The following CCDC141 variants were observed in gnomAD, a reference collection of about 807,000 sequenced individuals.
CCDC141 encodes coiled-coil domain containing 141.
A neutral mutation model predicts 181.0 loss-of-function variants in CCDC141; 168 were observed. The observed-to-expected ratio is 0.93, with a 90% confidence interval of 0.82 to 1.05. The LOEUF (loss-of-function observed/expected upper bound fraction) is 1.05. Among genes scored for constraint, CCDC141 ranks in the 50% least tolerant of loss-of-function variants. CCDC141 has a pLI of 0.00. For synonymous variants in CCDC141, 666 were observed against 642.3 expected, an observed-to-expected ratio of 1.04 and a Z score of -0.56; for missense variants, 1,902 against 1,788.5, an observed-to-expected ratio of 1.06 and a Z score of -1.14.
Position 178,853,588 on chromosome 2 carries a change from C to G in CCDC141, c.3097G>C (p.Val1033Leu). ...FWYEDASATV[V>L]RVGKYSTECK... ...TCTGTGGAATATTTTCCAACTCTTA[C>G]AACTGTGGCACTTGCATCTTCGTAC... is the stretch of plus-strand genomic sequence containing the variant. The change falls in exon 20 of 24, where the codon GTA becomes CTA. Residue 1033 changes from valine to leucine, a missense_variant. By Grantham distance (32) the Val-to-Leu change is conservative. Transcript: ENST00000443758. 6.2e-7 allele frequency: 1 copy of G among 1,613,710 alleles called. No homozygotes were observed. Among genetic ancestry groups the G allele is most frequent in the East Asian group, 2.2e-5 (1 of 44,846 alleles).
intron 4 of CCDC141, among the ~76,000 whole-genome samples, chr2:178,966,349 G>T (rs1176295076): frequency 6.6e-6 from 1 of 152,240 alleles, no homozygotes; most frequent in Non-Finnish European, 1.5e-5. Context: ...GGGGGTGACA[G>T]ACACCTCATA....
chr2:178,821,712 C>A, the CCDC141 span, among the ~76,000 whole-genome samples: 2 of 152,110 alleles, frequency 1.3e-5, no homozygotes, highest in Non-Finnish European at 2.9e-5. Context: ...CAATGAGATA[C>A]CATCTCACAC....
chr2:179,015,168 T>C (rs2042429132), intron 2 of CCDC141, among the ~76,000 whole-genome samples: 1 of 126,952 alleles, frequency 7.9e-6, no homozygotes, highest in Admixed American at 8.8e-5. Context: ...ATACATCTCA[T>C]ATATATCTCA....
chr2:178,844,897 A>C (rs1244852881), intron 22 of CCDC141, among the ~76,000 whole-genome samples: 3 of 152,228 alleles, frequency 2.0e-5, no homozygotes, highest in African/African-American at 7.2e-5. Flanking sequence ...CAAAGCAAAA[A>C]GTCAAAAGCT....
chr2:179,048,718 G>T (rs1471024673), intron 1 of CCDC141, among the ~76,000 whole-genome samples: 1 of 152,124 alleles, frequency 6.6e-6, no homozygotes, highest in Non-Finnish European at 1.5e-5. Context: ...AGATGGGAGG[G>T]TGAGGAAGTC....
chr2:178,852,953 A>G (rs576882138), intron 20 of CCDC141, among the ~76,000 whole-genome samples: 5 of 152,344 alleles, frequency 3.3e-5, no homozygotes, highest in African/African-American at 9.6e-5. Flanking sequence ...AGTGAGAGGA[A>G]AGTGAAGGAG....
intron 2 of CCDC141, among the ~76,000 whole-genome samples, chr2:179,046,553 G>A (rs1245660769): frequency 6.6e-6 from 1 of 152,240 alleles, no homozygotes; most frequent in East Asian, 1.9e-4. Flanking sequence ...CATGGATGAG[G>A]CCATGTACCT....
chr2:178,894,186 A>G (rs969523378), intron 8 of CCDC141, among the ~76,000 whole-genome samples: 1 of 152,150 alleles, frequency 6.6e-6, no homozygotes, highest in Non-Finnish European at 1.5e-5. Context: ...AAGAGCCACA[A>G]TATCTCCACA....
intron 22 of CCDC141, among the ~76,000 whole-genome samples, chr2:178,841,757 G>T (rs1328113455): frequency 6.6e-6 from 1 of 152,108 alleles, no homozygotes. Flanking sequence ...TGATTCTCCT[G>T]CCTCAGGCTC....
At chr2:178,934,582 C>G (rs1315296685) in intron 6 of CCDC141, among the ~76,000 whole-genome samples, 3 of 152,016 alleles carry the variant, frequency 2.0e-5, no homozygotes, top group African/African-American at 7.2e-5. Flanking sequence ...TTTAAAAATC[C>G]TTTAGTTCAT....
chr2:178,859,266 C>T (rs555557793), intron 17 of CCDC141, among the ~76,000 whole-genome samples: 4 of 152,268 alleles, frequency 2.6e-5, no homozygotes, highest in Middle Eastern at 6.8e-3. Context: ...CTACCTTCAG[C>T]GATTGAAAAA....
intron 2 of CCDC141, among the ~76,000 whole-genome samples, chr2:178,999,222 T>G (rs2154383175): frequency 6.6e-6 from 1 of 152,274 alleles, no homozygotes; most frequent in Middle Eastern, 3.4e-3. Flanking sequence ...ACACTGAAAC[T>G]CACCTGGCTG....
chr2:178,947,640 G>C (rs922781248), intron 5 of CCDC141, among the ~76,000 whole-genome samples: 11 of 152,138 alleles, frequency 7.2e-5, no homozygotes, highest in African/African-American at 2.7e-4. Context: ...ATCTATCACA[G>C]AGTGAAAAGA....
chr2:178,964,685 C>T (rs762044000), intron 4 of CCDC141, among the ~76,000 whole-genome samples: 1 of 152,128 alleles, frequency 6.6e-6, no homozygotes, highest in Non-Finnish European at 1.5e-5. Flanking sequence ...CAGTTTCTTA[C>T]GTTTTTCTTT....
intron 6 of CCDC141, among the ~76,000 whole-genome samples, chr2:178,940,839 A>G (rs999948846): frequency 1.3e-5 from 2 of 152,192 alleles, no homozygotes; most frequent in African/African-American, 4.8e-5. Flanking sequence ...ACTCCTTTCA[A>G]CCAGCTCTGG....
chr2:179,000,896 C>T (rs1230288203), intron 2 of CCDC141, among the ~76,000 whole-genome samples: 2 of 152,212 alleles, frequency 1.3e-5, no homozygotes, highest in Admixed American at 6.5e-5. Context: ...AAATTGTTTA[C>T]TTATCTGACT....
intron 2 of CCDC141, among the ~76,000 whole-genome samples, chr2:179,044,918 A>G (rs1353715893): frequency 6.6e-6 from 1 of 152,162 alleles, no homozygotes; most frequent in African/African-American, 2.4e-5. Context: ...GAGCTAAACA[A>G]TAGGTGTTTT....
At chr2:178,954,550 T>A (rs1690080262) in intron 5 of CCDC141, among the ~76,000 whole-genome samples, 1 of 152,194 alleles carries the variant, frequency 6.6e-6, no homozygotes, top group Non-Finnish European at 1.5e-5. Flanking sequence ...AAAGGAGAAT[T>A]AGCTGAACTA....
At chr2:178,991,917 C>T (rs534749647) in intron 2 of CCDC141, among the ~76,000 whole-genome samples, 16 of 151,822 alleles carry the variant, frequency 1.1e-4, no homozygotes, top group South Asian at 6.3e-4. Context: ...AAAACAAAAA[C>T]GGGGATAAAA....
Sources: allele counts gnomAD v4.1 joint callset (sites outside exome capture counted in the v4.1 genomes callset), GRCh38; gene constraint gnomAD v4.1.1; transcripts MANE v1.5; gene names NCBI Gene and HGNC (gene_info 2026-07-23, HGNC 2026-07-21).